Variants in FBXO21 observed in about 807,000 individuals in gnomAD.
The protein encoded by FBXO21 is F-box only protein 21.
Under a neutral mutation model 76.6 loss-of-function variants are expected in FBXO21, and 32 were observed. The observed-to-expected ratio is 0.42, with a 90% CI of 0.32 to 0.56. FBXO21 has a LOEUF of 0.56. FBXO21 is among the 20% of genes least tolerant of loss of function. FBXO21 has a pLI of 0.16. For missense variants in FBXO21, 586 were observed against 797.3 expected, an observed-to-expected ratio of 0.73 and a Z score of 3.19; for synonymous variants, 328 against 311.5, an observed-to-expected ratio of 1.05 and a Z score of -0.56.
At position 117,148,172 on chromosome 12, in the gene FBXO21, A is replaced by G. The variant is rs902392447; in HGVS notation, c.1676-1895T>C. On this transcript the variant is annotated intron_variant, in intron 11 of 11. Transcript: ENST00000622495. ...GACTCAATCTGCAGGGTTCTTTTTA[A>G]ACATAAAACAGGAGGAGCTGAAGAA... Among the ~76,000 whole-genome samples the G allele has an allele frequency of 3.8e-4, 36 of 94,464 alleles. 1 individual carries two copies. The highest frequency in any genetic ancestry group is 1.1e-3 in the Admixed American group (9 of 8,382). The allele number at this position is 94,464 out of a possible 152,430, so 62.0% of individuals were successfully genotyped here.
rs549337056 is a variant in FBXO21 at position 117,154,612 on chromosome 12, A to C, written c.1675+1179T>G. On this transcript the variant is annotated intron_variant, in intron 11 of 11. Transcript: ENST00000622495. ...GTGTTGTAGCTGGGAACACAGGTGC[A>C]CATGACTCTGCCTGGTTAATTTTTA... Among the ~76,000 whole-genome samples the C allele has an allele frequency of 1.1e-4, 17 of 152,254 alleles. No homozygotes were observed. The East Asian group carries it at 2.3e-3, about 21-fold the overall frequency.
chr12:117,185,119 G>A (rs1047501874), intron 3 of FBXO21, among the ~76,000 whole-genome samples: 1 of 152,054 alleles, frequency 6.6e-6, no homozygotes, highest in Non-Finnish European at 1.5e-5. Flanking sequence ...GTAGGTATGA[G>A]GTCCCATTTA....
intron 2 of FBXO21, among the ~76,000 whole-genome samples, chr12:117,187,849 G>A (rs1446356389): frequency 6.6e-6 from 1 of 152,190 alleles, no homozygotes; most frequent in Non-Finnish European, 1.5e-5. Flanking sequence ...TTTACAATTT[G>A]TGATTATGAA....
intron 9 of FBXO21, among the ~76,000 whole-genome samples, chr12:117,160,074 T>G (rs1482243109): frequency 6.6e-6 from 1 of 152,126 alleles, no homozygotes; most frequent in East Asian, 1.9e-4. Context: ...CATGATGCAT[T>G]TCCCTATACT....
At position 117,155,932 on chromosome 12, in the gene FBXO21, C is replaced by T; in HGVS notation, c.1534G>A (p.Val512Met). 1 of 1,614,234 alleles carries T rather than the reference C, an allele frequency of 6.2e-7. No individual in the cohort carries two copies. The highest frequency in any genetic ancestry group is 8.5e-7 in the Non-Finnish European group (1 of 1,180,036). Residue 512 changes from valine to methionine, a missense_variant, in exon 11 of 12, where the codon GTG becomes ATG. Val to Met is a conservative substitution (Grantham distance 21). This residue lies in a region of FBXO21 where 164 missense variants were observed against 236.7 expected (regional missense o/e 0.69). Transcript: ENST00000622495. ...MKHKRYGYNC[V>M]IYGWDPTCMM... ...CAGGTGGGGTCCCAGCCGTAGATCA[C>T]ACAGTTATAGCCATACCTAGTTAAC...
intron 6 of FBXO21, among the ~76,000 whole-genome samples, chr12:117,172,967 C>T (rs1181490305): frequency 6.6e-6 from 1 of 152,138 alleles, no homozygotes; most frequent in African/African-American, 2.4e-5. Context: ...ATCTGTGCCT[C>T]CTTTTACACC....
At chr12:117,151,214 C>G (rs561477802) in intron 11 of FBXO21, among the ~76,000 whole-genome samples, 1 of 152,010 alleles carries the variant, frequency 6.6e-6, no homozygotes. Context: ...TCGGAGCTTC[C>G]GAGAAGTCCA....
Position 117,146,077 on chromosome 12 carries a change from T to C in FBXO21, c.*10A>G. The stretch of plus-strand genomic sequence containing the variant: ...CAGCAGCAGCAAAGGTGCAATGTCC[T>C]CTCTAGACTTTACTCATCTATGTTC... On this transcript the variant is annotated 3_prime_UTR_variant, in exon 12 of 12. Coordinates refer to ENST00000622495, the MANE Select transcript of FBXO21 (RefSeq NM_015002.3). The C allele has an allele frequency of 6.4e-7, 1 of 1,570,792 alleles. No homozygotes were observed. The highest frequency in any genetic ancestry group is 8.6e-7 in the Non-Finnish European group (1 of 1,161,482).
At chr12:117,160,711 C>T (rs762025306) in intron 9 of FBXO21, among the ~76,000 whole-genome samples, 3 of 152,316 alleles carry the variant, frequency 2.0e-5, no homozygotes, top group South Asian at 2.1e-4. Flanking sequence ...GCAGCCTTGG[C>T]GTTGACCTCC....
At chr12:117,172,713 A>G (rs1956129768) in intron 6 of FBXO21, 106 bp from the exon 7 acceptor site, 1 of 1,194,180 alleles carries the variant, frequency 8.4e-7, no homozygotes, top group Non-Finnish European at 1.2e-6. Flanking sequence ...CATGATGCTC[A>G]TTTGTGAGGC....
Position 117,177,571 on chromosome 12 carries a change from T to C in FBXO21, c.541A>G (p.Asn181Asp). The change falls in exon 4 of 12, where the codon AAT becomes GAT. Residue 181 changes from asparagine to aspartate, a missense_variant. Asn to Asp is a conservative substitution (Grantham distance 23, BLOSUM62 1). Around this residue, in one of 6 missense-constraint regions of FBXO21, gnomAD observed 246 missense variants for 356.8 expected, o/e 0.69. Coordinates refer to ENST00000622495, the MANE Select transcript of FBXO21 (RefSeq NM_015002.3). ...GGCTGCTGAAGAAAGGCCTTAAGAT[T>C]ATTTAAGATCTTCTGTTGCCGCAGG... is the stretch of plus-strand genomic sequence containing the variant. ...YYLRQQKILN[N>D]LKAFLQQPDD... is the part of the protein sequence containing the mutation. 1 of 1,613,928 alleles carries C rather than the reference T, an allele frequency of 6.2e-7. No individual in the cohort carries two copies. The highest frequency in any genetic ancestry group is 2.2e-5 in the East Asian group (1 of 44,862).
In FBXO21 at chr12:117,172,689, T is replaced by C. The variant is rs1241560444; in HGVS notation, c.877-82A>G. On this transcript the variant is annotated intron_variant, in intron 6 of 11. Transcript: ENST00000622495. The stretch of plus-strand genomic sequence containing the variant: ...TCAATAAACATTCTCATTAGGCACC[T>C]ATTGTGCATTGGGCATGATGCTCAT... The C allele has an allele frequency of 3.5e-6, 5 of 1,412,702 alleles. No individual in the cohort carries two copies. The African/African-American group carries it at 7.1e-5, about 20-fold the overall frequency. The allele number at this position is 1,412,702 out of a possible 1,614,324, so 87.5% of individuals were successfully genotyped here.
chr12:117,154,081 A>G (rs1342362767), intron 11 of FBXO21, among the ~76,000 whole-genome samples: 1 of 152,212 alleles, frequency 6.6e-6, no homozygotes, highest in Non-Finnish European at 1.5e-5. Flanking sequence ...TGTGAACGCC[A>G]TTTGTTGTAG....
In FBXO21 at chr12:117,146,247, T is replaced by C. The variant is rs762285013; in HGVS notation, c.1706A>G (p.Glu569Gly). 6.2e-7 allele frequency: 1 copy of C among 1,609,942 alleles called. No individual in the cohort carries two copies. Among genetic ancestry groups the C allele is most frequent in the East Asian group, 2.2e-5 (1 of 44,820 alleles). ...ENLEYNVEPQ[E>G]ISHPDVGRYF... ...GCGTCCCACGTCAGGGTGTGAGATTTCTTGAGGCTCCACGTTATATTCCAA... is the reference window on the plus strand; with the variant it reads ...GCGTCCCACGTCAGGGTGTGAGATTCCTTGAGGCTCCACGTTATATTCCAA... Residue 569 changes from glutamate to glycine, a missense_variant, in exon 12 of 12, where the codon GAA becomes GGA. Around this residue, in one of 6 missense-constraint regions of FBXO21, gnomAD observed 164 missense variants for 236.7 expected, o/e 0.69. Coordinates refer to ENST00000622495, the MANE Select transcript of FBXO21 (RefSeq NM_015002.3).
intron 11 of FBXO21, among the ~76,000 whole-genome samples, chr12:117,152,643 A>C (rs1479139414): frequency 6.6e-6 from 1 of 152,172 alleles, no homozygotes; most frequent in Non-Finnish European, 1.5e-5. Context: ...TTAAGAAACA[A>C]GCCAAAAATA....
At chr12:117,164,824 A>G (rs1289821498) in intron 9 of FBXO21, among the ~76,000 whole-genome samples, 1 of 152,152 alleles carries the variant, frequency 6.6e-6, no homozygotes, top group Non-Finnish European at 1.5e-5. Context: ...AGGACTATTC[A>G]CATATTTCCA....
intron 10 of FBXO21, among the ~76,000 whole-genome samples, chr12:117,157,116 A>G (rs551395188): frequency 1.1e-4 from 17 of 151,676 alleles, no homozygotes; most frequent in Non-Finnish European, 2.2e-4. Flanking sequence ...TGGGAGGCAG[A>G]GGTTGCAGGT....
intron 10 of FBXO21, 121 bp downstream of exon 10, chr12:117,157,752 G>A (rs771752811): frequency 1.7e-5 from 13 of 782,368 alleles, no homozygotes; most frequent in East Asian, 2.8e-5. Context: ...GTGCGCACTC[G>A]GGGGATAAGT....
Position 117,190,336 on chromosome 12 carries a change from T to G in FBXO21, c.121A>C (p.Ile41Leu). ...GCCGTCAGCGAGCCGCAGCACAGGA[T>G]GTACTCCAGCACCTCACCCGGCAGG... is the stretch of plus-strand genomic sequence containing the variant. ...VNLPGEVLEY[I>L]LCCGSLTAAD... Residue 41 changes from isoleucine to leucine, a missense_variant, in exon 1 of 12, where the codon ATC (isoleucine) becomes CTC (leucine). By Grantham distance (5) the Ile-to-Leu change is conservative. Transcript: ENST00000622495. The G allele has an allele frequency of 6.5e-7, 1 of 1,543,462 alleles. No homozygotes were observed. The highest frequency in any genetic ancestry group is 1.2e-5 in the South Asian group (1 of 83,786).
Sources: gnomAD v4.1 joint callset for allele counts (sites outside exome capture counted in the v4.1 genomes callset) on GRCh38, gnomAD v4.1.1 for gene constraint, gnomAD v4.1.1 regional missense constraint, MANE v1.5 for transcripts, NCBI Gene and HGNC (gene_info 2026-07-23, HGNC 2026-07-21) for gene names.